QRICH2: variants seen among roughly 807,000 people sequenced by gnomAD.
QRICH2 encodes glutamine-rich protein 2.
Under a neutral mutation model 168.3 loss-of-function variants are expected in QRICH2, and 119 were observed. That is an observed-to-expected ratio of 0.71 (90% CI 0.61 to 0.82). The LOEUF is 0.82. QRICH2 is among the 40% of genes least tolerant of loss of function. QRICH2 has a pLI of 0.00. For missense variants in QRICH2, 2,241 were observed against 2,491.6 expected, an observed-to-expected ratio of 0.90 and a Z score of 2.14; for synonymous variants, 894 against 951.2, an observed-to-expected ratio of 0.94 and a Z score of 1.11.
intron 3 of QRICH2, among the ~76,000 whole-genome samples, chr17:76,299,988 G>A (rs1026628163): frequency 1.3e-5 from 2 of 151,678 alleles, no homozygotes; most frequent in African/African-American, 4.8e-5. Flanking sequence ...ACACCACCAC[G>A]CCCAGCTAAC....
At chr17:76,304,808 C>A in intron 2 of QRICH2, 74 bp downstream of exon 2, 1 of 1,085,468 alleles carries the variant, frequency 9.2e-7, no homozygotes, top group South Asian at 1.2e-5. Flanking sequence ...ATGGACAAGC[C>A]CTGGAGAGAG....
intron 3 of QRICH2, among the ~76,000 whole-genome samples, chr17:76,299,981 C>A (rs1285756974): frequency 6.6e-6 from 1 of 151,910 alleles, no homozygotes. Context: ...CAGGCACACA[C>A]CACCACGCCC....
rs773308093 is a variant in QRICH2, at chr17:76,293,203, AG to A, written c.1523del (p.Pro508LeufsTer3). 8 of 1,614,158 alleles carry A rather than the reference AG, an allele frequency of 5.0e-6. No homozygotes were observed. In the Admixed American group the frequency reaches 6.7e-5, roughly 13 times the overall value. On this transcript the variant is annotated frameshift_variant, in exon 4 of 19. Coordinates refer to ENST00000680821, the MANE Select transcript of QRICH2 (RefSeq NM_001388453.1). LOFTEE classifies it high-confidence loss of function. ...ATGTCAATCCTTGCTGGTCTATACCAGGGGGTACTAGTCCTTGCTGACCCAT... is the reference window on the plus strand; with the variant it reads ...ATGTCAATCCTTGCTGGTCTATACCAGGGGTACTAGTCCTTGCTGACCCAT... ...SGMGQQGLVP[P>X]GIDQQGLTLP...
intron 4 of QRICH2, among the ~76,000 whole-genome samples, chr17:76,290,678 C>T (rs2070970676): frequency 6.6e-6 from 1 of 152,114 alleles, no homozygotes; most frequent in African/African-American, 2.4e-5. Flanking sequence ...AGCCATTGCT[C>T]CCAGTCAAAA....
chr17:76,276,607 GC>G, intron 17 of QRICH2, 72 bp downstream of exon 17: 1 of 1,123,112 alleles, frequency 8.9e-7, no homozygotes, highest in South Asian at 1.3e-5. Flanking sequence ...CCATAAAAGT[GC>G]CAGGCCCCAC....
chr17:76,308,131 T>C lies in QRICH2; in HGVS notation c.-133A>G, dbSNP rs2143425748. ...CGCCCCTGCCCCGGGTCCGGCCGAG[T>C]CACTGGACAGAGCTCCTGCCTCCAG... is the stretch of plus-strand genomic sequence containing the variant. On this transcript the variant is annotated 5_prime_UTR_variant, in exon 1 of 19. Coordinates refer to ENST00000680821, the MANE Select transcript of QRICH2 (RefSeq NM_001388453.1). The C allele has an allele frequency of 8.6e-7, 1 of 1,162,980 alleles. No individual in the cohort carries two copies. Among genetic ancestry groups the C allele is most frequent in the Non-Finnish European group, 1.0e-6 (1 of 953,424 alleles). 72.0% of individuals were successfully genotyped at this position (1,162,980 alleles called of 1,614,324 possible).
chr17:76,309,453 C>G (rs1390422135), upstream of QRICH2: 4 of 152,038 alleles, frequency 2.6e-5, no homozygotes, highest in African/African-American at 7.3e-5. Context: ...CGAGACAAAT[C>G]TGGTGTTAAC....
chr17:76,287,082 AC>A, intron 7 of QRICH2, 109 bp downstream of exon 7: 1 of 323,892 alleles, frequency 3.1e-6, no homozygotes, highest in Non-Finnish European at 5.1e-6. Flanking sequence ...ACACACACAC[AC>A]ACACATGATG....
In QRICH2 at chr17:76,276,627, C is replaced by T; in HGVS notation, c.5353+53G>A. ...AAAGTGCCAGGCCCCACAATGGATG[C>T]ACGCCCTGTGGGACCCACGTGAGGT... On this transcript the variant is annotated intron_variant, in intron 17 of 18. Transcript: ENST00000680821. The T allele has an allele frequency of 1.4e-5, 19 of 1,394,746 alleles. No homozygotes were observed. The South Asian group carries it at 2.1e-4, about 16-fold the overall frequency. 86.4% of individuals were successfully genotyped at this position (1,394,746 alleles called of 1,614,324 possible).
intron 3 of QRICH2, chr17:76,301,545 G>A (rs2070899420): frequency 6.1e-6 from 1 of 163,842 alleles, no homozygotes; most frequent in Admixed American, 6.5e-5. Context: ...TCCAGCCTGG[G>A]TGACGACAGA....
chr17:76,277,939 G>C lies in QRICH2; in HGVS notation c.5117+50C>G, dbSNP rs376161302. Reference sequence around the variant, plus strand: ...ACAGCCGTGCACGAGCAGAAGCCAAGCCTGGTCACTGGGTGCCTGCTCCCA... The same window carrying C: ...ACAGCCGTGCACGAGCAGAAGCCAACCCTGGTCACTGGGTGCCTGCTCCCA... On this transcript the variant is annotated intron_variant, in intron 15 of 18. Coordinates refer to ENST00000680821, the MANE Select transcript of QRICH2 (RefSeq NM_001388453.1). 104 of 1,587,766 alleles carry C rather than the reference G, an allele frequency of 6.6e-5. No individual in the cohort carries two copies. The Admixed American group carries it at 1.5e-3, about 23-fold the overall frequency.
chr17:76,278,683 C>T (rs988845009), intron 14 of QRICH2, among the ~76,000 whole-genome samples: 3 of 152,234 alleles, frequency 2.0e-5, no homozygotes, highest in Non-Finnish European at 4.4e-5. Flanking sequence ...GACCCTCCCC[C>T]CACCGCTCTA....
chr17:76,297,758 A>C (rs938563262), intron 3 of QRICH2, among the ~76,000 whole-genome samples: 13 of 151,898 alleles, frequency 8.6e-5, no homozygotes, highest in Admixed American at 3.9e-4. Context: ...TCACTCTGTC[A>C]CTCAGTCTGG....
Position 76,277,156 on chromosome 17 carries a change from C to A in QRICH2, c.5265+7G>T. On this transcript the variant is annotated splice_region_variant and intron_variant, in intron 16 of 18. Transcript: ENST00000680821. ...CCCTCCCTGGTGGCTCCAGGCAGGGCCCTGACCTTCATGGCAATCTGGATC... is the reference window on the plus strand; with the variant it reads ...CCCTCCCTGGTGGCTCCAGGCAGGGACCTGACCTTCATGGCAATCTGGATC... The A allele has an allele frequency of 6.4e-7, 1 of 1,566,460 alleles. No homozygotes were observed. The highest frequency in any genetic ancestry group is 8.6e-7 in the Non-Finnish European group (1 of 1,162,380).
intron 3 of QRICH2, chr17:76,301,508 C>A: frequency 4.7e-6 from 1 of 212,502 alleles, no homozygotes; most frequent in Non-Finnish European, 1.0e-5. Flanking sequence ...GGGAAGGTTG[C>A]AGTGAGCCGA....
chr17:76,304,044 G>A (rs1768219779), intron 3 of QRICH2, among the ~76,000 whole-genome samples: 1 of 152,070 alleles, frequency 6.6e-6, no homozygotes, highest in Non-Finnish European at 1.5e-5. Flanking sequence ...ACTCAGGTAC[G>A]ATTTTTCTAT....
chr17:76,280,109 G>C lies in QRICH2; in HGVS notation c.4672C>G (p.Arg1558Gly). Residue 1558 changes from arginine to glycine, a missense_variant, in exon 12 of 19, where the codon CGG becomes GGG. Arg to Gly is a moderately radical substitution (Grantham distance 125). Coordinates refer to ENST00000680821, the MANE Select transcript of QRICH2 (RefSeq NM_001388453.1). This position sits in a 1 kb window ranked among gnomAD's most constrained non-coding sequence, Gnocchi z 7.4. ...LDPVKQLLED[R>G]WKSLRQQLRE... The stretch of plus-strand genomic sequence containing the variant: ...AGCTGCTGTCGCAGCGATTTCCACC[G>C]ATCCTCCAGCAACTGCTTCACTGGG... 1 of 1,613,800 alleles carries C rather than the reference G, an allele frequency of 6.2e-7. No individual in the cohort carries two copies. Among genetic ancestry groups the C allele is most frequent in the Non-Finnish European group, 8.5e-7 (1 of 1,180,000 alleles).
intron 7 of QRICH2, among the ~76,000 whole-genome samples, chr17:76,286,896 A>C (rs2070894848): frequency 6.7e-6 from 1 of 148,834 alleles, no homozygotes; most frequent in South Asian, 2.1e-4. Context: ...AAAAAAAAAG[A>C]TAGGGAAAGA....
chr17:76,290,096 T>G lies in QRICH2; in HGVS notation c.3713-19A>C, dbSNP rs756457804. 1 of 1,587,674 alleles carries G rather than the reference T, an allele frequency of 6.3e-7. No individual in the cohort carries two copies. Reference sequence around the variant, plus strand: ...CTTTTGACTATGGAAAGCAGAAGCCTTATGATCAGAGGGGTTAGATCTCTA... The same window carrying G: ...CTTTTGACTATGGAAAGCAGAAGCCGTATGATCAGAGGGGTTAGATCTCTA... On this transcript the variant is annotated intron_variant, in intron 4 of 18. Coordinates refer to ENST00000680821, the MANE Select transcript of QRICH2 (RefSeq NM_001388453.1).
Sources: gnomAD v4.1 joint callset for allele counts (sites outside exome capture counted in the v4.1 genomes callset) on GRCh38, gnomAD v4.1.1 for gene constraint, Gnocchi (gnomAD v3.1) non-coding constraint, MANE v1.5 for transcripts, NCBI Gene and HGNC (gene_info 2026-07-23, HGNC 2026-07-21) for gene names.